The following RNGTT variants were observed in gnomAD, a reference collection of about 807,000 sequenced individuals.
The protein encoded by RNGTT is mRNA-capping enzyme.
RNGTT carries 33 observed loss-of-function variants against 79.3 expected under a neutral mutation model. The ratio of observed to expected loss-of-function variants is 0.42; its 90% CI spans 0.32 to 0.56. The LOEUF (loss-of-function observed/expected upper bound fraction) is 0.56. Among genes scored for constraint, RNGTT ranks in the 20% least tolerant of loss-of-function variants. The pLI, the probability that RNGTT is intolerant of heterozygous loss-of-function variation, is 0.17. For synonymous variants in RNGTT, 222 were observed against 235.9 expected (o/e 0.94, Z 0.54); for missense variants, 497 against 739.1 (o/e 0.67, Z 3.80).
At chr6:88,926,256 T>C (rs1784314682) in intron 4 of RNGTT, among the ~76,000 whole-genome samples, 1 of 152,234 alleles carries the variant, frequency 6.6e-6, no homozygotes. Flanking sequence ...CACCAGGAAC[T>C]AGTGCTATCA....
chr6:88,723,274 C>T (rs1776767419), intron 13 of RNGTT, among the ~76,000 whole-genome samples: 1 of 152,158 alleles, frequency 6.6e-6, no homozygotes, highest in Non-Finnish European at 1.5e-5. Context: ...ATGTGGAGTT[C>T]TGATAAGTAA....
intron 12 of RNGTT, among the ~76,000 whole-genome samples, chr6:88,790,260 T>C (rs1159448297): frequency 6.6e-6 from 1 of 152,100 alleles, no homozygotes; most frequent in Non-Finnish European, 1.5e-5. Context: ...ACAGGTAACC[T>C]AGAAGGCTGC....
intron 11 of RNGTT, among the ~76,000 whole-genome samples, chr6:88,839,336 C>T (rs543358311): frequency 3.9e-4 from 59 of 151,960 alleles, no homozygotes; most frequent in Middle Eastern, 3.4e-3. Flanking sequence ...TTTGGGAGGC[C>T]GAGGCAGGCA....
intron 2 of RNGTT, among the ~76,000 whole-genome samples, chr6:88,937,410 T>C (rs76886726): frequency 0.022 from 3,340 of 152,290 alleles, 122 homozygotes; most frequent in African/African-American, 0.076. Context: ...ATATTCTCTT[T>C]CTCATTTCTG....
intron 13 of RNGTT, among the ~76,000 whole-genome samples, chr6:88,687,888 T>C (rs1199501919): frequency 6.6e-6 from 1 of 152,090 alleles, no homozygotes; most frequent in African/African-American, 2.4e-5. Flanking sequence ...TCTATGAGAG[T>C]ATCTTTTTAT....
intron 4 of RNGTT, among the ~76,000 whole-genome samples, chr6:88,917,699 C>T (rs1177269258): frequency 6.6e-6 from 1 of 152,084 alleles, no homozygotes; most frequent in Non-Finnish European, 1.5e-5. Context: ...TCAGCCTGGC[C>T]AACATGGAGA....
At chr6:88,881,152 G>A (rs548318182) in intron 8 of RNGTT, among the ~76,000 whole-genome samples, 183 of 152,232 alleles carry the variant, frequency 1.2e-3, no homozygotes, top group African/African-American at 3.9e-3. Flanking sequence ...GAAATTCAAC[G>A]AGTTCCTTTA....
rs796733229 is a variant in RNGTT at position 88,933,484 on chromosome 6, G to GT, written c.175-4218dup. ...TCTACTCTCTATGTCCATGAGATCA[G>GT]TTTTTTTTTTTTAAGAGATAGAGTC... On this transcript the variant is annotated intron_variant, in intron 2 of 15. Transcript: ENST00000369485. Among the ~76,000 whole-genome samples the GT allele has an allele frequency of 3.9e-3, 570 of 146,032 alleles. 1 individual carries two copies. Among genetic ancestry groups the GT allele is most frequent in the Middle Eastern group, 0.01 (3 of 286 alleles).
intron 13 of RNGTT, among the ~76,000 whole-genome samples, chr6:88,693,067 A>G (rs571279486): frequency 2.8e-4 from 43 of 152,114 alleles, no homozygotes; most frequent in Middle Eastern, 6.8e-3. Context: ...CTAATATTAC[A>G]TCTTAAGGAA....
At chr6:88,852,501 G>A (rs1781705913) in intron 9 of RNGTT, among the ~76,000 whole-genome samples, 1 of 151,888 alleles carries the variant, frequency 6.6e-6, no homozygotes, top group African/African-American at 2.4e-5. Context: ...AACCCCAAGG[G>A]TACCAGTCAC....
At chr6:88,677,883 T>G (rs907412075) in intron 14 of RNGTT, 2 of 152,378 alleles carry the variant, frequency 1.3e-5, no homozygotes, top group African/African-American at 2.4e-5. Flanking sequence ...AATTTTACTA[T>G]GGCAAGAATA....
chr6:88,924,317 A>T (rs1465641439), intron 4 of RNGTT, among the ~76,000 whole-genome samples: 2 of 151,934 alleles, frequency 1.3e-5, no homozygotes, highest in African/African-American at 4.8e-5. Context: ...AGTGAGAAAA[A>T]TTTTTTTCAT....
intron 14 of RNGTT, among the ~76,000 whole-genome samples, chr6:88,632,544 G>C (rs2610702): frequency 0.026 from 3,508 of 132,938 alleles, 130 homozygotes; most frequent in African/African-American, 0.1. Flanking sequence ...CAGACACACA[G>C]ACACACACAC....
At chr6:88,787,008 G>A (rs953880805) in intron 12 of RNGTT, among the ~76,000 whole-genome samples, 1 of 152,072 alleles carries the variant, frequency 6.6e-6, no homozygotes, top group African/African-American at 2.4e-5. Context: ...CACCGAATCT[G>A]CCAACACCTT....
intron 11 of RNGTT, among the ~76,000 whole-genome samples, chr6:88,807,035 CATTG>C (rs1217639441): frequency 6.6e-6 from 1 of 152,082 alleles, no homozygotes; most frequent in Non-Finnish European, 1.5e-5. Flanking sequence ...AGTGGGAGTT[CATTG>C]ATGAGAACAC....
chr6:88,848,780 G>A (rs1011794216), intron 10 of RNGTT, among the ~76,000 whole-genome samples: 3 of 151,980 alleles, frequency 2.0e-5, no homozygotes, highest in East Asian at 1.9e-4. Flanking sequence ...GGAGAGAGGT[G>A]TAACTAAGAA....
At chr6:88,852,146 T>C (rs1781695117) in intron 9 of RNGTT, among the ~76,000 whole-genome samples, 2 of 152,100 alleles carry the variant, frequency 1.3e-5, no homozygotes, top group South Asian at 4.1e-4. Flanking sequence ...CTTTGGGTTA[T>C]TGTTTTATTC....
At chr6:88,621,784 T>C (rs988862521) in intron 14 of RNGTT, among the ~76,000 whole-genome samples, 4 of 151,956 alleles carry the variant, frequency 2.6e-5, no homozygotes, top group African/African-American at 4.8e-5. Flanking sequence ...AGCACCAAAC[T>C]GAAACTTAGT....
chr6:88,732,087 G>A (rs955980056), intron 13 of RNGTT, among the ~76,000 whole-genome samples: 3 of 152,214 alleles, frequency 2.0e-5, no homozygotes, highest in East Asian at 3.9e-4. Context: ...TGTCTCAGGG[G>A]TGGCAGAGGC....
Sources: allele counts gnomAD v4.1 joint callset (sites outside exome capture counted in the v4.1 genomes callset), GRCh38; gene constraint gnomAD v4.1.1; transcripts MANE v1.5; gene names NCBI Gene and HGNC (gene_info 2026-07-23, HGNC 2026-07-21).